Variants in PURA observed in about 807,000 individuals in gnomAD.
PURA encodes transcriptional activator protein Pur-alpha.
Under a neutral mutation model 23.1 loss-of-function variants are expected in PURA, and 2 were observed. That is an observed-to-expected ratio of 0.09 (90% CI 0.04 to 0.27). PURA has a LOEUF of 0.27. Ranked by LOEUF, PURA falls within the 10% of genes least tolerant of loss-of-function variation. PURA has a pLI of 1.00. For missense variants in PURA, 187 were observed against 449.7 expected, an observed-to-expected ratio of 0.42 and a Z score of 5.28; for synonymous variants, 254 against 205.9, an observed-to-expected ratio of 1.23 and a Z score of -2.00.
In PURA at chr5:140,114,590, G is replaced by A; in HGVS notation, c.409G>A (p.Asp137Asn). 1 of 1,603,456 alleles carries A rather than the reference G, an allele frequency of 6.2e-7. No individual in the cohort carries two copies. The highest frequency in any genetic ancestry group is 2.2e-5 in the East Asian group (1 of 44,600). The change falls in exon 1 of 1, where the codon GAC becomes AAC. Residue 137 changes from aspartate to asparagine, a missense_variant. Around this residue, in one of 9 missense-constraint regions of PURA, gnomAD observed 26 missense variants for 29.1 expected, o/e 0.89. Transcript: ENST00000331327. ...SQPPDLAQAQ[D>N]EPRRALKSEF... is the part of the protein sequence containing the mutation. ...GCCGCCGGACCTGGCCCAGGCGCAG[G>A]ACGAGCCGCGCCGGGCGCTCAAAAG...
At position 140,115,437 on chromosome 5, in the gene PURA, A is replaced by G. The variant is rs1763065506; in HGVS notation, c.*287A>G. ...AAAATACAAAAAGTAATAACATTAT[A>G]TGAACTGTGTTTCCTACTTGATTAA... On this transcript the variant is annotated 3_prime_UTR_variant, in exon 1 of 1. Transcript: ENST00000331327. The surrounding 1 kb of genome is among the most constrained non-coding windows in gnomAD (Gnocchi z 4.1). 1 of 236,152 alleles carries G rather than the reference A, an allele frequency of 4.2e-6. No homozygotes were observed. Among genetic ancestry groups the G allele is most frequent in the Non-Finnish European group, 8.8e-6 (1 of 113,858 alleles). The allele number at this position is 236,152 out of a possible 1,614,324, so 14.6% of individuals were successfully genotyped here. A position where few individuals can be genotyped will look rare whatever the true frequency, so the allele number is the denominator to read the frequency against.
rs1336838702 is a variant in PURA, at chr5:140,124,232, A to G, written c.*9082A>G. ...TGGCTAAAATTATTTTTTGTAAGTT[A>G]TTTGGTTATTTCATTTTATATTCCC... On this transcript the variant is annotated 3_prime_UTR_variant, in exon 1 of 1. Coordinates refer to ENST00000331327, the MANE Select transcript of PURA (RefSeq NM_005859.5). 1.2e-5 allele frequency: 2 copies of G among 166,978 alleles called. No homozygotes were observed. The highest frequency in any genetic ancestry group is 2.9e-5 in the Non-Finnish European group (2 of 68,080). The allele number at this position is 166,978 out of a possible 1,614,324, so 10.3% of individuals were successfully genotyped here. A position where few individuals can be genotyped will look rare whatever the true frequency, so the allele number is the denominator to read the frequency against.
rs1444496147 is a variant in PURA, at chr5:140,122,330, A to G, written c.*7180A>G. On this transcript the variant is annotated 3_prime_UTR_variant, in exon 1 of 1. Coordinates refer to ENST00000331327, the MANE Select transcript of PURA (RefSeq NM_005859.5). ...TTTTCTTGGGCTCTTGTTACAATGTAGTTTACCTTTACTTTTCAAATGGTC... is the reference window on the plus strand; with the variant it reads ...TTTTCTTGGGCTCTTGTTACAATGTGGTTTACCTTTACTTTTCAAATGGTC... 1 of 166,814 alleles carries G rather than the reference A, an allele frequency of 6.0e-6. No individual in the cohort carries two copies. The highest frequency in any genetic ancestry group is 2.4e-5 in the African/African-American group (1 of 41,424). The allele number at this position is 166,814 out of a possible 1,614,324, so 10.3% of individuals were successfully genotyped here.
Position 140,120,763 on chromosome 5 carries a change from T to C in PURA, c.*5613T>C, listed in dbSNP as rs1287044811. ...CTAACTACCAAGTTTTGATGTTGAATGGTCCAGGCAATTTATGTCTTTAGG... is the reference window on the plus strand; with the variant it reads ...CTAACTACCAAGTTTTGATGTTGAACGGTCCAGGCAATTTATGTCTTTAGG... On this transcript the variant is annotated 3_prime_UTR_variant, in exon 1 of 1. Transcript: ENST00000331327. The C allele has an allele frequency of 1.2e-5, 2 of 166,894 alleles. No individual in the cohort carries two copies. The highest frequency in any genetic ancestry group is 2.9e-5 in the Non-Finnish European group (2 of 67,986). 10.3% of individuals were successfully genotyped at this position (166,894 alleles called of 1,614,324 possible). A position where few individuals can be genotyped will look rare whatever the true frequency, so the allele number is the denominator to read the frequency against.
Position 140,124,889 on chromosome 5 carries a change from A to G in PURA, c.*9739A>G, listed in dbSNP as rs1252218338. 1 of 167,050 alleles carries G rather than the reference A, an allele frequency of 6.0e-6. No homozygotes were observed. Among genetic ancestry groups the G allele is most frequent in the Non-Finnish European group, 1.5e-5 (1 of 68,104 alleles). 10.3% of individuals were successfully genotyped at this position (167,050 alleles called of 1,614,324 possible). On this transcript the variant is annotated 3_prime_UTR_variant, in exon 1 of 1. Coordinates refer to ENST00000331327, the MANE Select transcript of PURA (RefSeq NM_005859.5). ...TAGAAAGCGATTTGATTATTTTTTA[A>G]TGGAGTTTAACCAGCTTAATTAATG... is the stretch of plus-strand genomic sequence containing the variant.
At position 140,117,921 on chromosome 5, in the gene PURA, A is replaced by G. The variant is rs1325722420; in HGVS notation, c.*2771A>G. On this transcript the variant is annotated 3_prime_UTR_variant, in exon 1 of 1. Transcript: ENST00000331327. ...CTGTAAAGATGCTCTTTTTTTAAGC[A>G]TCTCACTTTACCTCCCCAAGCACCC... 2 of 166,906 alleles carry G rather than the reference A, an allele frequency of 1.2e-5. No individual in the cohort carries two copies. Among genetic ancestry groups the G allele is most frequent in the Non-Finnish European group, 1.5e-5 (1 of 68,072 alleles). 10.3% of individuals were successfully genotyped at this position (166,906 alleles called of 1,614,324 possible).
rs935069923 is a variant in PURA at position 140,114,244 on chromosome 5, G to T, written c.63G>T (p.Leu21=). The T allele has an allele frequency of 3.4e-6, 4 of 1,186,628 alleles. No individual in the cohort carries two copies. Among genetic ancestry groups the T allele is most frequent in the Non-Finnish European group, 4.2e-6 (4 of 958,426 alleles). 73.5% of individuals were successfully genotyped at this position (1,186,628 alleles called of 1,614,324 possible). A position where few individuals can be genotyped will look rare whatever the true frequency, so the allele number is the denominator to read the frequency against. The change falls in exon 1 of 1, where the codon CTG becomes CTT. Residue 21 remains leucine (L), a synonymous_variant. Coordinates refer to ENST00000331327, the MANE Select transcript of PURA (RefSeq NM_005859.5). ...CGGCGCTGGGTTCGGGCGGCTCCCT[G>T]GGGCACCCCGGCTCGGGCTCAGGCT... ...GGAALGSGGS[L]GHPGSGSGSG...
rs1763116556 is a variant in PURA at position 140,118,624 on chromosome 5, G to A, written c.*3474G>A. The A allele has an allele frequency of 1.2e-5, 2 of 166,860 alleles. No individual in the cohort carries two copies. Among genetic ancestry groups the A allele is most frequent in the African/African-American group, 4.8e-5 (2 of 41,394 alleles). 10.3% of individuals were successfully genotyped at this position (166,860 alleles called of 1,614,324 possible). On this transcript the variant is annotated 3_prime_UTR_variant, in exon 1 of 1. Coordinates refer to ENST00000331327, the MANE Select transcript of PURA (RefSeq NM_005859.5). ...TTCCTCTACTAGATACAGATTGGAG[G>A]TAGATGAATATTTGCCAAATGGAAA...
In PURA at chr5:140,114,242, C is replaced by G; in HGVS notation, c.61C>G (p.Leu21Val). Residue 21 changes from leucine to valine, a missense_variant, in exon 1 of 1, where the codon CTG (leucine) becomes GTG (valine). Physicochemically the swap from Leu to Val is conservative, Grantham distance 32. Transcript: ENST00000331327. Reference protein sequence around the residue: ...GGAALGSGGSLGHPGSGSGSG... With the variant: ...GGAALGSGGSVGHPGSGSGSG... ...TGCGGCGCTGGGTTCGGGCGGCTCCCTGGGGCACCCCGGCTCGGGCTCAGG... is the reference window on the plus strand; with the variant it reads ...TGCGGCGCTGGGTTCGGGCGGCTCCGTGGGGCACCCCGGCTCGGGCTCAGG... The G allele has an allele frequency of 8.5e-7, 1 of 1,183,356 alleles. No individual in the cohort carries two copies. Among genetic ancestry groups the G allele is most frequent in the Non-Finnish European group, 1.0e-6 (1 of 957,712 alleles). The allele number at this position is 1,183,356 out of a possible 1,614,324, so 73.3% of individuals were successfully genotyped here.
chr5:140,114,898 G>A lies in PURA; in HGVS notation c.717G>A (p.Lys239=). The A allele has an allele frequency of 6.2e-7, 1 of 1,614,272 alleles. No homozygotes were observed. Among genetic ancestry groups the A allele is most frequent in the Non-Finnish European group, 8.5e-7 (1 of 1,180,054 alleles). ...KRFFFDVGSN[K]YGVFMRVSEV... ...TCTTCTTCGATGTGGGCTCCAACAA[G>A]TACGGCGTGTTTATGCGAGTGAGCG... The change falls in exon 1 of 1, where the codon AAG becomes AAA. Residue 239 remains lysine, a synonymous_variant. Coordinates refer to ENST00000331327, the MANE Select transcript of PURA (RefSeq NM_005859.5).
rs1763117432 is a variant in PURA, at chr5:140,118,652, A to G, written c.*3502A>G. The stretch of plus-strand genomic sequence containing the variant: ...GATGAATATTTGCCAAATGGAAAAA[A>G]AGACAATGCTAGTCAGAAAAGACAA... On this transcript the variant is annotated 3_prime_UTR_variant, in exon 1 of 1. Transcript: ENST00000331327. 1 of 166,964 alleles carries G rather than the reference A, an allele frequency of 6.0e-6. No individual in the cohort carries two copies. Among genetic ancestry groups the G allele is most frequent in the South Asian group, 2.1e-4 (1 of 4,832 alleles). 10.3% of individuals were successfully genotyped at this position (166,964 alleles called of 1,614,324 possible). A position where few individuals can be genotyped will look rare whatever the true frequency, so the allele number is the denominator to read the frequency against.
chr5:140,117,693 AT>A lies in PURA; in HGVS notation c.*2544del, dbSNP rs1320945653. The A allele has an allele frequency of 2.4e-5, 4 of 166,220 alleles. No individual in the cohort carries two copies. Among genetic ancestry groups the A allele is most frequent in the African/African-American group, 7.2e-5 (3 of 41,424 alleles). The allele number at this position is 166,220 out of a possible 1,614,324, so 10.3% of individuals were successfully genotyped here. On this transcript the variant is annotated 3_prime_UTR_variant, in exon 1 of 1. Transcript: ENST00000331327. ...ACCTAAAGTGAAGCCTTTCTTATCT[AT>A]AGACTTCAGATTCTGCTTGGAATCC...
In PURA at chr5:140,118,975, A is replaced by G. The variant is rs529778981; in HGVS notation, c.*3825A>G. 6.6e-5 allele frequency: 11 copies of G among 167,112 alleles called. No individual in the cohort carries two copies. The highest frequency in any genetic ancestry group is 2.1e-4 in the South Asian group (1 of 4,830). The allele number at this position is 167,112 out of a possible 1,614,324, so 10.4% of individuals were successfully genotyped here. A position where few individuals can be genotyped will look rare whatever the true frequency, so the allele number is the denominator to read the frequency against. On this transcript the variant is annotated 3_prime_UTR_variant, in exon 1 of 1. Transcript: ENST00000331327. ...TTGAAAAGTAGCACTGTAATAGCCT[A>G]TGATAATTAGTTGTAGAATAACCTT...
At position 140,116,708 on chromosome 5, in the gene PURA, T is replaced by A. The variant is rs910905729; in HGVS notation, c.*1558T>A. On this transcript the variant is annotated 3_prime_UTR_variant, in exon 1 of 1. Transcript: ENST00000331327. ...CTGTATAGTAAAATATTAATATATT[T>A]TTATCATTAAACTGCTGCATGACTA... 3 of 166,700 alleles carry A rather than the reference T, an allele frequency of 1.8e-5. No homozygotes were observed. The highest frequency in any genetic ancestry group is 7.2e-5 in the African/African-American group (3 of 41,394). 10.3% of individuals were successfully genotyped at this position (166,700 alleles called of 1,614,324 possible). A position where few individuals can be genotyped will look rare whatever the true frequency, so the allele number is the denominator to read the frequency against.
At position 140,114,221 on chromosome 5, in the gene PURA, G is replaced by C. The variant is rs1046152089; in HGVS notation, c.40G>C (p.Ala14Pro). Reference sequence around the variant, plus strand: ...CAGCGGCAGCGAGCAGGGTGGTGCGGCGCTGGGTTCGGGCGGCTCCCTGGG... The same window carrying C: ...CAGCGGCAGCGAGCAGGGTGGTGCGCCGCTGGGTTCGGGCGGCTCCCTGGG... ...RDSGSEQGGA[A>P]LGSGGSLGHP... Residue 14 changes from alanine to proline, a missense_variant, in exon 1 of 1, where the codon GCG becomes CCG. Physicochemically the swap from Ala to Pro is conservative, Grantham distance 27. Coordinates refer to ENST00000331327, the MANE Select transcript of PURA (RefSeq NM_005859.5). 27 of 1,039,306 alleles carry C rather than the reference G, an allele frequency of 2.6e-5. No individual in the cohort carries two copies. The African/African-American group carries it at 4.4e-4, about 17-fold the overall frequency. 64.4% of individuals were successfully genotyped at this position (1,039,306 alleles called of 1,614,324 possible).
rs1763124675 is a variant in PURA at position 140,119,377 on chromosome 5, G to C, written c.*4227G>C. ...TTGATTTTAAACTTTTTGAAGCCAA[G>C]TGATCAAGTACATTTGTAATAAAAG... On this transcript the variant is annotated 3_prime_UTR_variant, in exon 1 of 1. Coordinates refer to ENST00000331327, the MANE Select transcript of PURA (RefSeq NM_005859.5). 6.0e-6 allele frequency: 1 copy of C among 166,816 alleles called. No homozygotes were observed. The highest frequency in any genetic ancestry group is 2.4e-5 in the African/African-American group (1 of 41,426). 10.3% of individuals were successfully genotyped at this position (166,816 alleles called of 1,614,324 possible).
chr5:140,123,815 G>A lies in PURA; in HGVS notation c.*8665G>A, dbSNP rs545864952. 3 of 167,280 alleles carry A rather than the reference G, an allele frequency of 1.8e-5. No homozygotes were observed. In the East Asian group the frequency reaches 5.8e-4, roughly 32 times the overall value. The allele number at this position is 167,280 out of a possible 1,614,324, so 10.4% of individuals were successfully genotyped here. ...GTTAGTTTGTTTCACTGAAGTCAGT[G>A]AGATAGGAGTCTAGCTGGGTACATG... On this transcript the variant is annotated 3_prime_UTR_variant, in exon 1 of 1. Transcript: ENST00000331327.
Position 140,123,612 on chromosome 5 carries a change from T to C in PURA, c.*8462T>C, listed in dbSNP as rs2126753180. 6.0e-6 allele frequency: 1 copy of C among 166,634 alleles called. No homozygotes were observed. The highest frequency in any genetic ancestry group is 2.1e-4 in the South Asian group (1 of 4,828). 10.3% of individuals were successfully genotyped at this position (166,634 alleles called of 1,614,324 possible). A position where few individuals can be genotyped will look rare whatever the true frequency, so the allele number is the denominator to read the frequency against. On this transcript the variant is annotated 3_prime_UTR_variant, in exon 1 of 1. Coordinates refer to ENST00000331327, the MANE Select transcript of PURA (RefSeq NM_005859.5). Reference sequence around the variant, plus strand: ...AGCTGTATAAAACAAAAATTTGTTCTGATAAAATTTTTAATATGGGCCTTT... The same window carrying C: ...AGCTGTATAAAACAAAAATTTGTTCCGATAAAATTTTTAATATGGGCCTTT...
rs5871723 is a variant in PURA, at chr5:140,116,589, TC to T, written c.*1441del. ...AGGAGAGCACTTTACCAAGCTGGTGTCCTCCAAACTGAAATTGTTTGTAACG... is the reference window on the plus strand; with the variant it reads ...AGGAGAGCACTTTACCAAGCTGGTGTCTCCAAACTGAAATTGTTTGTAACG... On this transcript the variant is annotated 3_prime_UTR_variant, in exon 1 of 1. Transcript: ENST00000331327. The T allele has an allele frequency of 0.16, 27,038 of 167,002 alleles. 2,287 individuals are homozygous for T. The highest frequency in any genetic ancestry group is 0.22 in the South Asian group (1,064 of 4,822). 10.3% of individuals were successfully genotyped at this position (167,002 alleles called of 1,614,324 possible).
Sources: allele counts gnomAD v4.1 joint callset, GRCh38; gene constraint gnomAD v4.1.1; regional missense constraint gnomAD v4.1.1; non-coding constraint Gnocchi (gnomAD v3.1); transcripts MANE v1.5; gene names NCBI Gene and HGNC (gene_info 2026-07-23, HGNC 2026-07-21).